DDX56: variants seen among roughly 807,000 people sequenced by gnomAD.
DDX56 encodes DEAD-box helicase 56.
DDX56 carries 45 observed loss-of-function variants against 61.5 expected under a neutral mutation model. The ratio of observed to expected loss-of-function variants is 0.73; its 90% confidence interval spans 0.58 to 0.94. The LOEUF is 0.94. Ranked by LOEUF, DDX56 falls within the 40% of genes least tolerant of loss-of-function variation. The pLI is 0.00. For synonymous variants in DDX56, 273 were observed against 268.3 expected, an observed-to-expected ratio of 1.02 and a Z score of -0.17; for missense variants, 708 against 690.7, an observed-to-expected ratio of 1.02 and a Z score of -0.28.
At chr7:44,573,162 CT>C in intron 2 of DDX56, 112 bp from the exon 3 acceptor site, 1 of 920,616 alleles carries the variant, frequency 1.1e-6, no homozygotes, top group East Asian at 2.6e-5. Context: ...CTTAGCAGTA[CT>C]TTGATCATCT....
At chr7:44,571,856 T>C in intron 5 of DDX56, 120 bp from the exon 6 acceptor site, 1 of 1,330,774 alleles carries the variant, frequency 7.5e-7, no homozygotes, top group African/African-American at 1.5e-5. Context: ...TAAGGATTCC[T>C]GGCACCCTAA....
rs372349770 is a variant in DDX56 at position 44,571,102 on chromosome 7, G to A, written c.891-225C>T. Reference sequence around the variant, plus strand: ...TGCCCAGGCTGGAGTGCAATGGCACGATCTTGGCTCACTGCAACCTCCACC... The same window carrying A: ...TGCCCAGGCTGGAGTGCAATGGCACAATCTTGGCTCACTGCAACCTCCACC... On this transcript the variant is annotated intron_variant, in intron 6 of 13. Transcript: ENST00000258772. 2.4e-3 allele frequency among the ~76,000 whole-genome samples: 360 copies of A among 152,284 alleles called. No individual in the cohort carries two copies. In the Middle Eastern group the frequency reaches 0.024, roughly 10 times the overall value.
At chr7:44,571,394 TG>T (rs1245444779) in intron 6 of DDX56, 97 bp downstream of exon 6, 1 of 1,423,838 alleles carries the variant, frequency 7.0e-7, no homozygotes, top group Admixed American at 1.8e-5. Flanking sequence ...ATCTAGAACC[TG>T]GCCCCTACTA....
At chr7:44,567,824 T>C (rs1177324110) in intron 12 of DDX56, 1 of 471,230 alleles carries the variant, frequency 2.1e-6, no homozygotes, top group African/African-American at 2.0e-5. Flanking sequence ...GGATGGCCAT[T>C]TGGCCCAGCT....
At chr7:44,570,522 T>G (rs538093188) in intron 7 of DDX56, among the ~76,000 whole-genome samples, 1 of 152,338 alleles carries the variant, frequency 6.6e-6, no homozygotes, top group African/African-American at 2.4e-5. Context: ...TGCAGGGCTC[T>G]GCATGCCAAC....
At chr7:44,570,682 C>T in intron 7 of DDX56, 76 bp downstream of exon 7, 1 of 1,539,208 alleles carries the variant, frequency 6.5e-7, no homozygotes, top group Non-Finnish European at 8.8e-7. Flanking sequence ...GCTCTGTGCA[C>T]TCTGGTTTTA....
At position 44,565,823 on chromosome 7, in the gene DDX56, A is replaced by G. The variant is rs1802515054; in HGVS notation, c.*179T>C. The G allele has an allele frequency of 6.5e-6, 4 of 612,274 alleles. No individual in the cohort carries two copies. Among genetic ancestry groups the G allele is most frequent in the Non-Finnish European group, 8.8e-6 (3 of 340,324 alleles). 37.9% of individuals were successfully genotyped at this position (612,274 alleles called of 1,614,324 possible). On this transcript the variant is annotated 3_prime_UTR_variant, in exon 14 of 14. Transcript: ENST00000258772. ...ACAAACTGGGGCAGCTAAAATTTTT[A>G]TTCTGTTGTCAAGGGGCAAGATGCC...
chr7:44,571,886 C>T, intron 5 of DDX56, 150 bp from the exon 6 acceptor site: 1 of 960,934 alleles, frequency 1.0e-6, no homozygotes, highest in African/African-American at 1.6e-5. Flanking sequence ...AGTTTTGTAA[C>T]CTAAAACCCC....
chr7:44,568,659 T>C (rs2117120091), intron 11 of DDX56, among the ~76,000 whole-genome samples: 1 of 152,032 alleles, frequency 6.6e-6, no homozygotes, highest in African/African-American at 2.4e-5. Context: ...GAAGTGGAAT[T>C]TCGGATGAAA....
chr7:44,565,982 T>A lies in DDX56; in HGVS notation c.*20A>T. On this transcript the variant is annotated 3_prime_UTR_variant, in exon 14 of 14. Coordinates refer to ENST00000258772, the MANE Select transcript of DDX56 (RefSeq NM_019082.4). The stretch of plus-strand genomic sequence containing the variant: ...GCCTGTGCTCCACAATGTGCTCAGC[T>A]CCAGAGAGGCCCAACAACCTCAGGA... The A allele has an allele frequency of 6.3e-7, 1 of 1,593,816 alleles. No individual in the cohort carries two copies. The highest frequency in any genetic ancestry group is 8.6e-7 in the Non-Finnish European group (1 of 1,163,812).
rs749179246 is a variant in DDX56, at chr7:44,568,240, G to T, written c.1384-17C>A. 1.3e-6 allele frequency: 2 copies of T among 1,555,918 alleles called. No individual in the cohort carries two copies. ...AAAGTATGTCTGCCGGGGGAAGAGG[G>T]AGAGCCACAGAGTGAGCATCTTTCT... On this transcript the variant is annotated splice_polypyrimidine_tract_variant and intron_variant, in intron 11 of 13. Coordinates refer to ENST00000258772, the MANE Select transcript of DDX56 (RefSeq NM_019082.4).
Position 44,566,072 on chromosome 7 carries a change from T to C in DDX56, c.1574A>G (p.Lys525Arg). Residue 525 changes from lysine to arginine, a missense_variant, in exon 14 of 14, where the codon AAG becomes AGG. Physicochemically the swap from Lys to Arg is conservative, Grantham distance 26 (BLOSUM62 2). Coordinates refer to ENST00000258772, the MANE Select transcript of DDX56 (RefSeq NM_019082.4). Reference protein sequence around the residue: ...SSSCRKAKRAKSQNPLRSFKH... With the variant: ...SSSCRKAKRARSQNPLRSFKH... ...GAAGCTGCGCAGTGGGTTCTGGGACTTTGCTCTCTAAGGAGGCAAAGTCAC... is the reference window on the plus strand; with the variant it reads ...GAAGCTGCGCAGTGGGTTCTGGGACCTTGCTCTCTAAGGAGGCAAAGTCAC... The C allele has an allele frequency of 6.2e-7, 1 of 1,610,898 alleles. No homozygotes were observed. Among genetic ancestry groups the C allele is most frequent in the Admixed American group, 1.7e-5 (1 of 59,754 alleles).
intron 4 of DDX56, 34 bp downstream of exon 4, chr7:44,572,540 T>A: frequency 1.2e-6 from 2 of 1,613,474 alleles, no homozygotes; most frequent in Non-Finnish European, 1.7e-6. Flanking sequence ...CTCACAGATG[T>A]TTCCACTAGG....
chr7:44,570,707 T>TA (rs767626924), intron 7 of DDX56, 51 bp downstream of exon 7: 2 of 1,571,048 alleles, frequency 1.3e-6, no homozygotes, highest in Non-Finnish European at 1.7e-6. Flanking sequence ...TCCAAAAAGC[T>TA]AAAAACACAG....
chr7:44,569,117 C>A lies in DDX56; in HGVS notation c.1293+13G>T, dbSNP rs761470602. ...CCTCCCCTCTCATTCCCCTCCCCACCACAGCAGCTCACCCTGCAGCGATAG... is the reference window on the plus strand; with the variant it reads ...CCTCCCCTCTCATTCCCCTCCCCACAACAGCAGCTCACCCTGCAGCGATAG... On this transcript the variant is annotated intron_variant, in intron 10 of 13. Coordinates refer to ENST00000258772, the MANE Select transcript of DDX56 (RefSeq NM_019082.4). 4 of 1,614,088 alleles carry A rather than the reference C, an allele frequency of 2.5e-6. No individual in the cohort carries two copies. In the South Asian group the frequency reaches 4.4e-5, roughly 18 times the overall value.
chr7:44,566,829 T>C (rs1217298331), intron 12 of DDX56, among the ~76,000 whole-genome samples: 1 of 152,158 alleles, frequency 6.6e-6, no homozygotes, highest in African/African-American at 2.4e-5. Context: ...TCTTCACCTG[T>C]GGCCCATTAC....
chr7:44,571,738 T>C lies in DDX56; in HGVS notation c.646-2A>G, dbSNP rs779390948. 1.2e-6 allele frequency: 2 copies of C among 1,613,550 alleles called. No homozygotes were observed. The highest frequency in any genetic ancestry group is 2.2e-5 in the South Asian group (2 of 91,076). ...GGACTCCTGTAACTTAAGGGTAACC[T>C]GGGGGAGAAAACAGGCCTGTGGTCA... On this transcript the variant is annotated splice_acceptor_variant, in intron 5 of 13. Coordinates refer to ENST00000258772, the MANE Select transcript of DDX56 (RefSeq NM_019082.4). LOFTEE classifies it high-confidence loss of function.
Position 44,573,535 on chromosome 7 carries a change from G to A in DDX56, c.222+48C>T, listed in dbSNP as rs183962081. The A allele has an allele frequency of 1.4e-5, 23 of 1,597,760 alleles. No individual in the cohort carries two copies. The African/African-American group carries it at 2.0e-4, about 14-fold the overall frequency. ...GACAAACGGGAACCGCCCTTCCCAG[G>A]CTTTTGGAGCTTGCCTCCTTCCTCC... is the stretch of plus-strand genomic sequence containing the variant. On this transcript the variant is annotated intron_variant, in intron 2 of 13. Coordinates refer to ENST00000258772, the MANE Select transcript of DDX56 (RefSeq NM_019082.4).
In DDX56 at chr7:44,573,698, T is replaced by G. The variant is rs1396094870; in HGVS notation, c.107A>C (p.Lys36Thr). The G allele has an allele frequency of 6.2e-7, 1 of 1,613,714 alleles. No individual in the cohort carries two copies. Among genetic ancestry groups the G allele is most frequent in the East Asian group, 2.2e-5 (1 of 44,876 alleles). Reference sequence around the variant, plus strand: ...CCCTTCTAGGGCCAGTGGGATGGCCTTCTCCTGGATCAGCGTAGGTCGCGA... The same window carrying G: ...CCCTTCTAGGGCCAGTGGGATGGCCGTCTCCTGGATCAGCGTAGGTCGCGA... ...GWSRPTLIQE[K>T]AIPLALEGKD... The change falls in exon 2 of 14, where the codon AAG becomes ACG. Residue 36 changes from lysine (K) to threonine (T), a missense_variant. Lys to Thr is a moderately conservative substitution (Grantham distance 78). Coordinates refer to ENST00000258772, the MANE Select transcript of DDX56 (RefSeq NM_019082.4).
Sources: gnomAD v4.1 joint callset for allele counts (sites outside exome capture counted in the v4.1 genomes callset) on GRCh38, gnomAD v4.1.1 for gene constraint, MANE v1.5 for transcripts, NCBI Gene and HGNC (gene_info 2026-07-23, HGNC 2026-07-21) for gene names.